RNF38: variants seen among roughly 807,000 people sequenced by gnomAD.
RNF38 encodes E3 ubiquitin-protein ligase RNF38.
RNF38 carries 15 observed loss-of-function variants against 67.2 expected under a neutral mutation model. The ratio of observed to expected loss-of-function variants is 0.22; its 90% CI spans 0.15 to 0.34. The LOEUF (loss-of-function observed/expected upper bound fraction) is 0.34. RNF38 is among the 10% of genes least tolerant of loss of function. RNF38 has a pLI of 1.00. For synonymous variants in RNF38, 220 were observed against 218.8 expected, an observed-to-expected ratio of 1.01 and a Z score of -0.05; for missense variants, 524 against 639.9, an observed-to-expected ratio of 0.82 and a Z score of 1.95.
chr9:36,456,172 C>T (rs913007708), intron 1 of RNF38, among the ~76,000 whole-genome samples: 1 of 152,112 alleles, frequency 6.6e-6, no homozygotes, highest in Non-Finnish European at 1.5e-5. Context: ...AATTCTCCTT[C>T]CTCAGCCTTC....
chr9:36,420,032 T>C (rs1838577682), intron 2 of RNF38, among the ~76,000 whole-genome samples: 1 of 152,158 alleles, frequency 6.6e-6, no homozygotes, highest in Non-Finnish European at 1.5e-5. Context: ...TCTCCAAGCA[T>C]GTCACAGTTG....
At chr9:36,389,360 A>G (rs1187795272) in intron 2 of RNF38, among the ~76,000 whole-genome samples, 1 of 140,860 alleles carries the variant, frequency 7.1e-6, no homozygotes, top group Non-Finnish European at 1.6e-5. Flanking sequence ...AAAAAAAAAA[A>G]CCCTTTTTAT....
chr9:36,457,843 C>CAAA (rs879733054), intron 1 of RNF38, among the ~76,000 whole-genome samples: 1 of 135,996 alleles, frequency 7.4e-6, no homozygotes, highest in Non-Finnish European at 1.6e-5. Context: ...ACTCCGTCTC[C>CAAA]AAAAAAAAAA....
intron 1 of RNF38, among the ~76,000 whole-genome samples, chr9:36,435,769 A>G (rs1209045192): frequency 1.3e-5 from 2 of 151,904 alleles, no homozygotes; most frequent in African/African-American, 4.8e-5. Context: ...AGCTGGGACC[A>G]CTGGTGCCTG....
chr9:36,424,877 C>A (rs1346589547), intron 1 of RNF38, among the ~76,000 whole-genome samples: 31 of 152,186 alleles, frequency 2.0e-4, no homozygotes, highest in Admixed American at 2.0e-3. Flanking sequence ...CACAAAGGAC[C>A]AGTTAGGGAG....
intron 2 of RNF38, among the ~76,000 whole-genome samples, chr9:36,376,723 C>T (rs963732129): frequency 5.3e-5 from 8 of 151,800 alleles, no homozygotes; most frequent in African/African-American, 1.5e-4. Flanking sequence ...GTCAGGAGTT[C>T]GAGACCGGCC....
chr9:36,431,049 T>C (rs565651525), intron 1 of RNF38, among the ~76,000 whole-genome samples: 2 of 152,328 alleles, frequency 1.3e-5, no homozygotes, highest in Admixed American at 1.3e-4. Context: ...CCACTTCAGA[T>C]GCCAATTGCA....
chr9:36,432,211 T>C (rs375800382), intron 1 of RNF38, among the ~76,000 whole-genome samples: 1 of 152,032 alleles, frequency 6.6e-6, no homozygotes, highest in Non-Finnish European at 1.5e-5. Context: ...CTCGTCTTAC[T>C]GCAACCTCTG....
At chr9:36,445,545 A>G (rs1206670906) in intron 1 of RNF38, among the ~76,000 whole-genome samples, 2 of 152,228 alleles carry the variant, frequency 1.3e-5, no homozygotes, top group Non-Finnish European at 2.9e-5. Context: ...ATACGGGTAT[A>G]GAGATGCTTA....
At chr9:36,348,581 T>C (rs1467375141) in intron 9 of RNF38, among the ~76,000 whole-genome samples, 1 of 152,186 alleles carries the variant, frequency 6.6e-6, no homozygotes, top group Non-Finnish European at 1.5e-5. Context: ...GTCTGAGTGA[T>C]ACAGATAGAA....
At chr9:36,393,255 A>G (rs898509392) in intron 1 of RNF38, among the ~76,000 whole-genome samples, 1 of 152,146 alleles carries the variant, frequency 6.6e-6, no homozygotes, top group South Asian at 2.1e-4. Flanking sequence ...AGACAAATGA[A>G]AAACTGGCCA....
intron 9 of RNF38, among the ~76,000 whole-genome samples, chr9:36,347,811 C>T (rs993145115): frequency 5.3e-5 from 8 of 152,222 alleles, no homozygotes; most frequent in Non-Finnish European, 7.3e-5. Flanking sequence ...GGCACAGTGG[C>T]TCATGCCTGT....
At chr9:36,460,915 G>C (rs1458027914) in intron 1 of RNF38, among the ~76,000 whole-genome samples, 1 of 134,308 alleles carries the variant, frequency 7.4e-6, no homozygotes, top group Non-Finnish European at 1.6e-5. Context: ...AAGAAAGAAA[G>C]AAAGAAAAAA....
At chr9:36,342,937 C>G (rs1832957719) in intron 10 of RNF38, among the ~76,000 whole-genome samples, 1 of 152,150 alleles carries the variant, frequency 6.6e-6, no homozygotes, top group African/African-American at 2.4e-5. Flanking sequence ...GGATTGATTT[C>G]TAGGACCTGC....
At chr9:36,441,563 T>A (rs1345492298) in intron 1 of RNF38, among the ~76,000 whole-genome samples, 1 of 152,144 alleles carries the variant, frequency 6.6e-6, no homozygotes, top group Non-Finnish European at 1.5e-5. Context: ...GACCTCGTGA[T>A]CCACCCAGCT....
chr9:36,431,656 C>T (rs1838937332), intron 1 of RNF38, among the ~76,000 whole-genome samples: 1 of 152,212 alleles, frequency 6.6e-6, no homozygotes, highest in African/African-American at 2.4e-5. Context: ...AATGTCTTCA[C>T]CAACCCAGAA....
At position 36,336,605 on chromosome 9, in the gene RNF38, T is replaced by C. The variant is rs950865626; in HGVS notation, c.*3147A>G. 8 of 152,640 alleles carry C rather than the reference T, an allele frequency of 5.2e-5. No individual in the cohort carries two copies. The South Asian group carries it at 6.2e-4, about 12-fold the overall frequency. 9.5% of individuals were successfully genotyped at this position (152,640 alleles called of 1,614,324 possible). On this transcript the variant is annotated 3_prime_UTR_variant, in exon 12 of 12. Coordinates refer to ENST00000259605, the MANE Select transcript of RNF38 (RefSeq NM_022781.5). ...TATAATACATACATTTAAAACTATA[T>C]GTTAACTGATACAATGGAATATGAT...
chr9:36,400,925 C>G, upstream of RNF38: 5 of 984,982 alleles, frequency 5.1e-6, no homozygotes, highest in Non-Finnish European at 6.0e-6. Context: ...CCCCGCCGCA[C>G]CCCGCCTCAC....
intron 1 of RNF38, among the ~76,000 whole-genome samples, chr9:36,482,573 G>C (rs1477391036): frequency 6.6e-6 from 1 of 151,510 alleles, no homozygotes; most frequent in Non-Finnish European, 1.5e-5. Flanking sequence ...GGCTGGTCTT[G>C]AACTCCTGAC....
Sources: gnomAD v4.1 joint callset for allele counts (sites outside exome capture counted in the v4.1 genomes callset) on GRCh38, gnomAD v4.1.1 for gene constraint, MANE v1.5 for transcripts, NCBI Gene and HGNC (gene_info 2026-07-23, HGNC 2026-07-21) for gene names.